The following PDZRN3 variants were observed in gnomAD, a reference collection of about 807,000 sequenced individuals.
PDZRN3 encodes the protein E3 ubiquitin-protein ligase PDZRN3.
PDZRN3 carries 38 observed loss-of-function variants against 85.7 expected under a neutral mutation model. The observed-to-expected ratio is 0.44, with a 90% confidence interval of 0.34 to 0.58. PDZRN3 has a LOEUF of 0.58. Ranked by LOEUF, PDZRN3 falls within the 20% of genes least tolerant of loss-of-function variation. The pLI, the probability that PDZRN3 is intolerant of heterozygous loss-of-function variation, is 0.01. For synonymous variants in PDZRN3, 759 were observed against 638.0 expected (o/e 1.19, Z -2.86); for missense variants, 1,629 against 1,506.4 (o/e 1.08, Z -1.35).
rs188211899 is a variant in PDZRN3 at position 73,498,907 on chromosome 3, C to T, written c.919-94512G>A. Among the ~76,000 whole-genome samples, 38 of 152,180 alleles carry T rather than the reference C, an allele frequency of 2.5e-4. 1 individual carries two copies. The highest frequency in any genetic ancestry group is 2.2e-3 in the Admixed American group (34 of 15,276). ...CCGTATGTTAACTTTTTACAATACA[C>T]ACAGCATAGACCCAGATGCTGGCTG... On this transcript the variant is annotated intron_variant, in intron 3 of 9. Coordinates refer to ENST00000263666, the MANE Select transcript of PDZRN3 (RefSeq NM_015009.3).
chr3:73,494,260 T>C (rs1286439326), intron 3 of PDZRN3, among the ~76,000 whole-genome samples: 1 of 152,188 alleles, frequency 6.6e-6, no homozygotes, highest in Non-Finnish European at 1.5e-5. Flanking sequence ...AATCAGAGAA[T>C]TAAGAAGTAG....
At chr3:73,408,033 C>A (rs1190725953) in intron 3 of PDZRN3, 8 of 643,178 alleles carry the variant, frequency 1.2e-5, no homozygotes, top group Admixed American at 4.9e-5. Flanking sequence ...CTGGGTTCCA[C>A]AGAAACGCAT....
rs151214475 is a variant in PDZRN3, at chr3:73,461,649, T to C, written c.919-57254A>G. Among the ~76,000 whole-genome samples, 974 of 152,364 alleles carry C rather than the reference T, an allele frequency of 6.4e-3. 14 individuals are homozygous for C. The highest frequency in any genetic ancestry group is 0.022 in the African/African-American group (930 of 41,586). On this transcript the variant is annotated intron_variant, in intron 3 of 9. Coordinates refer to ENST00000263666, the MANE Select transcript of PDZRN3 (RefSeq NM_015009.3). ...ACTTTTCATGTAGATTAGTGACTTT[T>C]TCTTTTAAAATGAAATCTGGAGAAG...
chr3:73,451,514 G>A lies in PDZRN3; in HGVS notation c.919-47119C>T, dbSNP rs1266626569. 2.6e-5 allele frequency among the ~76,000 whole-genome samples: 4 copies of A among 152,116 alleles called. No individual in the cohort carries two copies. In the South Asian group the frequency reaches 8.3e-4, roughly 32 times the overall value. ...AGAGAACACACTGATTAGTCCAACA[G>A]AGACCAAAGTCTGTCACTTTGGTCA... On this transcript the variant is annotated intron_variant, in intron 3 of 9. Transcript: ENST00000263666.
At chr3:73,493,510 C>T (rs1294896510) in intron 3 of PDZRN3, among the ~76,000 whole-genome samples, 2 of 152,148 alleles carry the variant, frequency 1.3e-5, no homozygotes, top group Admixed American at 6.5e-5. Context: ...CCCCCACCTC[C>T]CCCAAGAAGA....
At chr3:73,579,718 A>G (rs1280654476) in intron 3 of PDZRN3, among the ~76,000 whole-genome samples, 2 of 152,194 alleles carry the variant, frequency 1.3e-5, no homozygotes, top group Non-Finnish European at 2.9e-5. Context: ...GAAGCCCGCC[A>G]CTGAGGATCT....
chr3:73,431,691 A>C (rs565913783), intron 3 of PDZRN3, among the ~76,000 whole-genome samples: 9 of 152,230 alleles, frequency 5.9e-5, no homozygotes, highest in Non-Finnish European at 1.2e-4. Flanking sequence ...CTTGAAAATA[A>C]ATCTGCATGG....
intron 3 of PDZRN3, 143 bp downstream of exon 3, chr3:73,602,211 T>G: frequency 1.6e-6 from 1 of 629,426 alleles, no homozygotes; most frequent in Non-Finnish European, 2.9e-6. Flanking sequence ...CTCAATCTGG[T>G]CCCACACAAT....
Position 73,400,997 on chromosome 3 carries a change from G to C in PDZRN3, c.1179C>G (p.Ala393=). The stretch of plus-strand genomic sequence containing the variant: ...AGTCATTTGGATCGTAGTATTCATG[G>C]GCTGAGGGATGCCTGAAAAGAGATG... ...PYLLPEEHPS[A]HEYYDPNDYI... is the part of the protein sequence containing the mutation. Residue 393 remains alanine, a synonymous_variant, in exon 5 of 10, where the codon GCC becomes GCG. Coordinates refer to ENST00000263666, the MANE Select transcript of PDZRN3 (RefSeq NM_015009.3). The C allele has an allele frequency of 6.2e-7, 1 of 1,612,114 alleles. No individual in the cohort carries two copies. The highest frequency in any genetic ancestry group is 8.5e-7 in the Non-Finnish European group (1 of 1,178,178).
intron 1 of PDZRN3, among the ~76,000 whole-genome samples, chr3:73,623,268 A>AAAC (rs1702896102): frequency 6.6e-6 from 1 of 152,208 alleles, no homozygotes; most frequent in African/African-American, 2.4e-5. Context: ...AAACTGAGGG[A>AAAC]TCTGGGAATT....
chr3:73,390,187 T>C (rs1344924752), intron 6 of PDZRN3, among the ~76,000 whole-genome samples: 2 of 152,156 alleles, frequency 1.3e-5, no homozygotes, highest in Non-Finnish European at 2.9e-5. Flanking sequence ...ATCAAATCAA[T>C]GATGTAGAAC....
Position 73,624,354 on chromosome 3 carries a change from C to G in PDZRN3, c.472G>C (p.Gly158Arg). 7.7e-7 allele frequency: 1 copy of G among 1,301,362 alleles called. No individual in the cohort carries two copies. The highest frequency in any genetic ancestry group is 9.7e-7 in the Non-Finnish European group (1 of 1,031,888). 80.6% of individuals were successfully genotyped at this position (1,301,362 alleles called of 1,614,324 possible). Residue 158 changes from glycine to arginine, a missense_variant, in exon 1 of 10, where the codon GGC becomes CGC. Physicochemically the swap from Gly to Arg is moderately radical, Grantham distance 125. Transcript: ENST00000263666. ...LPLTHGEQRAGGHCCARALRA... is the reference protein window; with the variant it reads ...LPLTHGEQRARGHCCARALRA... ...AGCGCTCGCGCGCAGCAGTGGCCGCCCGCGCGCTGCTCGCCGTGCGTCAAG... is the reference window on the plus strand; with the variant it reads ...AGCGCTCGCGCGCAGCAGTGGCCGCGCGCGCGCTGCTCGCCGTGCGTCAAG...
At chr3:73,460,864 G>A (rs925970650) in intron 3 of PDZRN3, among the ~76,000 whole-genome samples, 1 of 152,052 alleles carries the variant, frequency 6.6e-6, no homozygotes, top group African/African-American at 2.4e-5. Context: ...CACAATCTCG[G>A]CTCACTGCAA....
chr3:73,607,718 A>G (rs1408983197), intron 2 of PDZRN3, among the ~76,000 whole-genome samples: 1 of 151,608 alleles, frequency 6.6e-6, no homozygotes, highest in Non-Finnish European at 1.5e-5. Context: ...ACTTCTTCCA[A>G]TCCAATCTCT....
At chr3:73,474,578 C>A in intron 3 of PDZRN3, 1 of 1,281,074 alleles carries the variant, frequency 7.8e-7, no homozygotes, top group Non-Finnish European at 1.0e-6. Flanking sequence ...CCTGCAGGTC[C>A]GCAGTTTCAT....
intron 3 of PDZRN3, among the ~76,000 whole-genome samples, chr3:73,489,970 G>C (rs138732697): frequency 1.3e-5 from 2 of 152,264 alleles, no homozygotes; most frequent in Non-Finnish European, 1.5e-5. Flanking sequence ...ATAATGATCT[G>C]ATTTTGTGAG....
chr3:73,533,577 G>C (rs11707819), intron 3 of PDZRN3, among the ~76,000 whole-genome samples: 4,778 of 151,782 alleles, frequency 0.031, 117 homozygotes, highest in Non-Finnish European at 0.048. Context: ...TAACAAGAGT[G>C]GCCTAGGGGA....
chr3:73,601,742 A>G (rs945548281), intron 3 of PDZRN3, among the ~76,000 whole-genome samples: 1 of 152,168 alleles, frequency 6.6e-6, no homozygotes, highest in Non-Finnish European at 1.5e-5. Context: ...CTTCCCCTAC[A>G]TGAGTCTACA....
At chr3:73,394,571 C>A (rs1163670920) in intron 5 of PDZRN3, among the ~76,000 whole-genome samples, 1 of 152,156 alleles carries the variant, frequency 6.6e-6, no homozygotes, top group Non-Finnish European at 1.5e-5. Context: ...GCTGGTGAAG[C>A]ACATTTCCAA....
Sources: allele counts gnomAD v4.1 joint callset (sites outside exome capture counted in the v4.1 genomes callset), GRCh38; gene constraint gnomAD v4.1.1; transcripts MANE v1.5; gene names NCBI Gene and HGNC (gene_info 2026-07-23, HGNC 2026-07-21).